Variants in OSMR observed in about 807,000 individuals in gnomAD.
OSMR encodes oncostatin M receptor, also known as oncostatin-M-specific receptor subunit beta.
OSMR carries 81 observed loss-of-function variants against 99.9 expected under a neutral mutation model. The observed-to-expected ratio is 0.81, with a 90% CI of 0.68 to 0.97. OSMR has a LOEUF of 0.97. Among genes scored for constraint, OSMR ranks in the 50% least tolerant of loss-of-function variants. The pLI, the probability that OSMR is intolerant of heterozygous loss-of-function variation, is 0.00. For synonymous variants in OSMR, 406 were observed against 410.4 expected (o/e 0.99, Z 0.13); for missense variants, 1,099 against 1,153.4 (o/e 0.95, Z 0.68).
At chr5:38,900,884 C>T (rs943429912) in intron 7 of OSMR, among the ~76,000 whole-genome samples, 1 of 152,182 alleles carries the variant, frequency 6.6e-6, no homozygotes, top group African/African-American at 2.4e-5. Context: ...CCTTACCTGG[C>T]TCCATTTTCA....
At chr5:38,916,200 C>T (rs357258) in intron 9 of OSMR, among the ~76,000 whole-genome samples, 96,161 of 152,088 alleles carry the variant, frequency 0.63, 30,702 homozygotes, top group African/African-American at 0.7. Flanking sequence ...ATGATTAAAA[C>T]GTGTGCCTTT....
downstream of OSMR, among the ~76,000 whole-genome samples, chr5:38,936,981 C>CTTT: frequency 6.6e-6 from 1 of 152,278 alleles, no homozygotes; most frequent in East Asian, 1.9e-4. Flanking sequence ...TACATTAGGA[C>CTTT]TTTTTTAAAG....
At chr5:38,899,794 G>C (rs1372804021) in intron 7 of OSMR, among the ~76,000 whole-genome samples, 6 of 152,174 alleles carry the variant, frequency 3.9e-5, no homozygotes, top group African/African-American at 1.4e-4. Flanking sequence ...GCAAGACAAA[G>C]TCATCTTTAC....
downstream of OSMR, chr5:38,945,277 A>T: frequency 1.6e-6 from 1 of 609,678 alleles, no homozygotes; most frequent in Non-Finnish European, 2.9e-6. Context: ...AGTGGAAAAG[A>T]CCTAATCCAG....
In OSMR at chr5:38,854,064, G is replaced by A. The variant is rs1403664380; in HGVS notation, c.-14+7677G>A. On this transcript the variant is annotated intron_variant, in intron 1 of 17. Transcript: ENST00000274276. ...TCTTAAAAAAAAAAAAAAGATAACC[G>A]AGCCTGAGAATCATGCAGAACCCGC... is the stretch of plus-strand genomic sequence containing the variant. 4.6e-5 allele frequency among the ~76,000 whole-genome samples: 7 copies of A among 151,156 alleles called. No individual in the cohort carries two copies. In the East Asian group the frequency reaches 5.8e-4, roughly 13 times the overall value.
chr5:38,909,991 C>T (rs947061363), intron 9 of OSMR, among the ~76,000 whole-genome samples: 15 of 152,154 alleles, frequency 9.9e-5, no homozygotes, highest in Admixed American at 6.5e-4. Flanking sequence ...CTATATCACA[C>T]GCAGTGACAC....
chr5:38,851,246 A>G (rs1740329739), intron 1 of OSMR, among the ~76,000 whole-genome samples: 1 of 152,154 alleles, frequency 6.6e-6, no homozygotes, highest in Non-Finnish European at 1.5e-5. Context: ...GAACTGTATA[A>G]CTTAAAGTGA....
chr5:38,853,027 G>A (rs920297759), intron 1 of OSMR, among the ~76,000 whole-genome samples: 15 of 152,138 alleles, frequency 9.9e-5, no homozygotes, highest in East Asian at 5.8e-4. Context: ...CACCGCGCCC[G>A]GCCCTATTGT....
intron 1 of OSMR, among the ~76,000 whole-genome samples, chr5:38,854,261 G>T (rs1740679568): frequency 6.6e-6 from 1 of 152,156 alleles, no homozygotes; most frequent in Admixed American, 6.5e-5. Flanking sequence ...ACATTCTTGG[G>T]ACGTGAATGA....
chr5:38,941,170 G>A (rs1747526212), intron 1 of OSMR: 1 of 232,622 alleles, frequency 4.3e-6, no homozygotes, highest in African/African-American at 2.2e-5. Context: ...TTCACAAATG[G>A]ATAAAGGCAA....
intron 12 of OSMR, among the ~76,000 whole-genome samples, chr5:38,922,417 G>A (rs1031320589): frequency 6.6e-6 from 1 of 152,184 alleles, no homozygotes; most frequent in Non-Finnish European, 1.5e-5. Flanking sequence ...AGGTACAGGT[G>A]TAATGGGGAA....
At chr5:38,868,873 T>G in intron 1 of OSMR, 159 bp from the exon 2 acceptor site, 2 of 343,554 alleles carry the variant, frequency 5.8e-6, no homozygotes, top group African/African-American at 2.2e-5. Flanking sequence ...AGTCTTCCTA[T>G]TTTGGGGGGA....
At chr5:38,938,157 T>C (rs1747171226), downstream of OSMR, 2 of 217,516 alleles carry the variant, frequency 9.2e-6, no homozygotes, top group Admixed American at 1.2e-4. Context: ...ATGTTACAGT[T>C]ATACAATATA....
chr5:38,858,317 CTTT>C (rs79742677), intron 1 of OSMR, among the ~76,000 whole-genome samples: 10 of 139,642 alleles, frequency 7.2e-5, no homozygotes, highest in Non-Finnish European at 9.4e-5. Flanking sequence ...ATGAGATCCA[CTTT>C]TTTTTTTTTT....
chr5:38,888,865 A>G (rs928538694), intron 7 of OSMR, among the ~76,000 whole-genome samples: 6 of 152,212 alleles, frequency 3.9e-5, no homozygotes, highest in Admixed American at 1.3e-4. Flanking sequence ...TATGGGAACA[A>G]CAGTCCCCTG....
intron 1 of OSMR, among the ~76,000 whole-genome samples, chr5:38,851,450 G>A (rs1163353268): frequency 6.6e-6 from 1 of 152,140 alleles, no homozygotes; most frequent in Non-Finnish European, 1.5e-5. Context: ...TGTAGGCACA[G>A]AGCCTTCAGA....
chr5:38,938,330 ATT>A (rs1308251728), downstream of OSMR: 1 of 228,482 alleles, frequency 4.4e-6, no homozygotes, highest in Non-Finnish European at 8.7e-6. Flanking sequence ...AGTTTACACC[ATT>A]TGTTTTACAA....
intron 1 of OSMR, 77 bp from the exon 2 acceptor site, chr5:38,868,955 A>G: frequency 1.3e-6 from 2 of 1,549,854 alleles, no homozygotes; most frequent in South Asian, 1.2e-5. Context: ...TGCCTCATCT[A>G]CCACAATTGG....
downstream of OSMR, chr5:38,945,255 AGGGCTGTTCACAGT>A: frequency 1.6e-6 from 1 of 616,796 alleles, no homozygotes; most frequent in Non-Finnish European, 2.8e-6. Flanking sequence ...GGGCCTGGAC[AGGGCTGTTCACAGT>A]GGAAAAGACC....
Sources: gnomAD v4.1 joint callset for allele counts (sites outside exome capture counted in the v4.1 genomes callset) on GRCh38, gnomAD v4.1.1 for gene constraint, MANE v1.5 for transcripts, NCBI Gene and HGNC (gene_info 2026-07-23, HGNC 2026-07-21) for gene names.